KIF6: variants seen among roughly 807,000 people sequenced by gnomAD.
KIF6 encodes kinesin family member 6, also known as kinesin-like protein KIF6.
KIF6 carries 106 observed loss-of-function variants against 112.7 expected under a neutral mutation model. That is an observed-to-expected ratio of 0.94 (90% CI 0.80 to 1.11). The LOEUF is 1.11. Among genes scored for constraint, KIF6 ranks in the 50% least tolerant of loss-of-function variants. KIF6 has a pLI of 0.00. For missense variants in KIF6, 929 were observed against 964.0 expected, an observed-to-expected ratio of 0.96 and a Z score of 0.48; for synonymous variants, 339 against 339.9, an observed-to-expected ratio of 1.00 and a Z score of 0.03.
At chr6:39,539,919 C>T in intron 13 of KIF6, 84 bp downstream of exon 13, 1 of 955,624 alleles carries the variant, frequency 1.0e-6, no homozygotes, top group Middle Eastern at 2.2e-4. Flanking sequence ...ATTGAGCCTT[C>T]ATCCTGATAC....
chr6:39,346,132 C>CCTCTCTCTCTCTCTCTCTCTCTCTCTCT (rs779814201), intron 20 of KIF6, among the ~76,000 whole-genome samples: 8 of 26,934 alleles, frequency 3.0e-4, no homozygotes, highest in Admixed American at 4.9e-4. Flanking sequence ...CCTCCCTCTC[C>CCTCTCTCTCTCTCTCTCTCTCTCTCTCT]CTCTCTCTCT....
chr6:39,718,576 C>G (rs9349124), intron 2 of KIF6: 42,713 of 111,330 alleles, frequency 0.38, 6,694 homozygotes, highest in Admixed American at 0.5. Flanking sequence ...AAAACCCAGT[C>G]TCTACCAAAA....
chr6:39,487,647 T>C (rs1775198865), intron 13 of KIF6, among the ~76,000 whole-genome samples: 1 of 152,054 alleles, frequency 6.6e-6, no homozygotes, highest in African/African-American at 2.4e-5. Flanking sequence ...AAGAAGAAAG[T>C]GTTAGAGAAA....
chr6:39,350,231 A>G (rs1306234085), intron 19 of KIF6, among the ~76,000 whole-genome samples: 1 of 152,154 alleles, frequency 6.6e-6, no homozygotes, highest in Non-Finnish European at 1.5e-5. Flanking sequence ...GGTGGGAAGC[A>G]CATAAAGAAA....
chr6:39,634,483 T>C (rs1784519920), intron 5 of KIF6, among the ~76,000 whole-genome samples: 1 of 152,134 alleles, frequency 6.6e-6, no homozygotes, highest in Non-Finnish European at 1.5e-5. Context: ...CTAATTTGAA[T>C]ACCTTCTTCT....
chr6:39,697,698 A>G (rs1788629126), intron 3 of KIF6, among the ~76,000 whole-genome samples: 1 of 151,816 alleles, frequency 6.6e-6, no homozygotes, highest in South Asian at 2.1e-4. Context: ...ACACACCACC[A>G]CACTTGGCTA....
At chr6:39,586,518 G>A (rs9394616) in intron 7 of KIF6, 114 bp from the exon 8 acceptor site, 44,207 of 778,476 alleles carry the variant, frequency 0.057, 2,754 homozygotes, top group East Asian at 0.29. Flanking sequence ...CTAAATGCAC[G>A]GTGAAGCCCA....
intron 19 of KIF6, among the ~76,000 whole-genome samples, chr6:39,356,239 T>C (rs749124660): frequency 6.6e-6 from 1 of 152,004 alleles, no homozygotes; most frequent in Admixed American, 6.5e-5. Context: ...GCCACTCTTA[T>C]CACATCATAT....
intron 3 of KIF6, among the ~76,000 whole-genome samples, chr6:39,699,624 GT>G (rs1788758306): frequency 6.6e-6 from 1 of 152,096 alleles, no homozygotes; most frequent in Non-Finnish European, 1.5e-5. Flanking sequence ...AGGGCCCCTT[GT>G]TGAAAAAGTA....
chr6:39,529,865 G>A (rs1293502418), intron 13 of KIF6, among the ~76,000 whole-genome samples: 9 of 152,204 alleles, frequency 5.9e-5, no homozygotes, highest in African/African-American at 1.7e-4. Flanking sequence ...AGACTGAGAT[G>A]TTCTTTCTTC....
intron 5 of KIF6, among the ~76,000 whole-genome samples, chr6:39,614,584 C>G (rs1038018638): frequency 6.6e-6 from 1 of 152,192 alleles, no homozygotes; most frequent in Non-Finnish European, 1.5e-5. Context: ...ACCAGCACAT[C>G]TGTGACCAAT....
At chr6:39,578,685 T>C (rs965725043) in intron 9 of KIF6, among the ~76,000 whole-genome samples, 9 of 152,106 alleles carry the variant, frequency 5.9e-5, no homozygotes, top group South Asian at 2.1e-4. Flanking sequence ...GAACCCCCTA[T>C]TGGTATCCCC....
chr6:39,393,565 T>C (rs2150327360), intron 15 of KIF6, among the ~76,000 whole-genome samples: 1 of 152,244 alleles, frequency 6.6e-6, no homozygotes, highest in South Asian at 2.1e-4. Context: ...AAAATGTAAA[T>C]AAAATATTTA....
intron 3 of KIF6, among the ~76,000 whole-genome samples, chr6:39,678,448 G>C (rs897670598): frequency 6.6e-6 from 1 of 152,194 alleles, no homozygotes; most frequent in East Asian, 1.9e-4. Context: ...TTCACTTACA[G>C]ATTTAAAATA....
intron 16 of KIF6, among the ~76,000 whole-genome samples, chr6:39,379,327 A>C (rs914108297): frequency 2.0e-5 from 3 of 152,170 alleles, no homozygotes; most frequent in Non-Finnish European, 4.4e-5. Context: ...TTATGCTCAA[A>C]TGTCTCATTG....
chr6:39,387,657 C>T (rs746189988), intron 15 of KIF6, among the ~76,000 whole-genome samples: 4 of 152,094 alleles, frequency 2.6e-5, no homozygotes, highest in Non-Finnish European at 4.4e-5. Context: ...TGACTTGACA[C>T]CTGAGCCAGC....
At chr6:39,434,588 A>AC (rs1554215999) in intron 13 of KIF6, among the ~76,000 whole-genome samples, 6 of 150,926 alleles carry the variant, frequency 4.0e-5, no homozygotes, top group African/African-American at 1.2e-4. Context: ...AACAAAACAA[A>AC]AAAACAAAAC....
rs535737177 is a variant in KIF6 at position 39,460,993 on chromosome 6, AATT to A, written c.1646-29835_1646-29833del. Among the ~76,000 whole-genome samples the A allele has an allele frequency of 5.9e-5, 9 of 152,308 alleles. No individual in the cohort carries two copies. The East Asian group carries it at 1.7e-3, about 29-fold the overall frequency. On this transcript the variant is annotated intron_variant, in intron 13 of 22. Coordinates refer to ENST00000287152, the MANE Select transcript of KIF6 (RefSeq NM_145027.6). ...AACCGTTCATCACTCCTCTTGGAAA[AATT>A]ATTAACTTCATTCTTGCATTCCTTC...
At chr6:39,632,978 G>A (rs2150755037) in intron 5 of KIF6, among the ~76,000 whole-genome samples, 1 of 151,978 alleles carries the variant, frequency 6.6e-6, no homozygotes, top group South Asian at 2.1e-4. Flanking sequence ...ACTTAAAAAG[G>A]AGATTTCCAT....
Sources: allele counts gnomAD v4.1 joint callset (sites outside exome capture counted in the v4.1 genomes callset), GRCh38; gene constraint gnomAD v4.1.1; transcripts MANE v1.5; gene names NCBI Gene and HGNC (gene_info 2026-07-23, HGNC 2026-07-21).